Variants in LRP4 observed in about 807,000 individuals in gnomAD.
The protein encoded by LRP4 is low-density lipoprotein receptor-related protein 4.
In LRP4, 95 loss-of-function variants were observed where a neutral mutation model predicts 220.3. The ratio of observed to expected loss-of-function variants is 0.43; its 90% CI spans 0.37 to 0.51. LRP4 has a LOEUF of 0.51. LRP4 is among the 20% of genes least tolerant of loss of function. LRP4 has a pLI of 0.00. For synonymous variants in LRP4, 903 were observed against 954.6 expected, an observed-to-expected ratio of 0.95 and a Z score of 1.00; for missense variants, 1,925 against 2,567.0, an observed-to-expected ratio of 0.75 and a Z score of 5.40.
intron 16 of LRP4, 120 bp downstream of exon 16, chr11:46,889,291 G>A: frequency 7.3e-7 from 1 of 1,364,030 alleles, no homozygotes; most frequent in African/African-American, 1.4e-5. Flanking sequence ...TTCCTCTCCA[G>A]GGCTCCCTGA....
Position 46,858,908 on chromosome 11 carries a change from C to CACAA in LRP4, c.*74_*75insTTGT. 7.2e-7 allele frequency: 1 copy of CACAA among 1,383,250 alleles called. No homozygotes were observed. Among genetic ancestry groups the CACAA allele is most frequent in the Non-Finnish European group, 1.0e-6 (1 of 972,816 alleles). The allele number at this position is 1,383,250 out of a possible 1,614,324, so 85.7% of individuals were successfully genotyped here. A position where few individuals can be genotyped will look rare whatever the true frequency, so the allele number is the denominator to read the frequency against. On this transcript the variant is annotated 3_prime_UTR_variant, in exon 38 of 38. Transcript: ENST00000378623. Reference sequence around the variant, plus strand: ...GACAAGCACACAGAAGCGGGGCCTGCGGTGTAAGCGAGCACAAGGACTAGA... The same window carrying CACAA: ...GACAAGCACACAGAAGCGGGGCCTGCACAAGGTGTAAGCGAGCACAAGGACTAGA...
chr11:46,876,138 T>A (rs1046541531), intron 25 of LRP4, among the ~76,000 whole-genome samples, 172 bp from the exon 26 acceptor site: 1 of 152,162 alleles, frequency 6.6e-6, no homozygotes, highest in Non-Finnish European at 1.5e-5. Flanking sequence ...TCAACCTTCA[T>A]AAGGGCCACA....
intron 23 of LRP4, 71 bp downstream of exon 23, chr11:46,877,128 G>T: frequency 6.5e-7 from 1 of 1,549,008 alleles, no homozygotes; most frequent in Non-Finnish European, 8.9e-7. Context: ...CAAAGGTGGT[G>T]GGAGAGGAAA....
rs1187792715 is a variant in LRP4 at position 46,890,547 on chromosome 11, C to T, written c.1698-53G>A. The T allele has an allele frequency of 7.1e-6, 9 of 1,267,390 alleles. No homozygotes were observed. Among genetic ancestry groups the T allele is most frequent in the Non-Finnish European group, 9.1e-6 (8 of 874,378 alleles). 78.5% of individuals were successfully genotyped at this position (1,267,390 alleles called of 1,614,324 possible). A position where few individuals can be genotyped will look rare whatever the true frequency, so the allele number is the denominator to read the frequency against. On this transcript the variant is annotated intron_variant, in intron 13 of 37. Coordinates refer to ENST00000378623, the MANE Select transcript of LRP4 (RefSeq NM_002334.4). This position sits in a 1 kb window ranked among gnomAD's most constrained non-coding sequence, Gnocchi z 5.3. ...TGGGCAGCAGAAAACAGGTAGGTAA[C>T]CAGGAGAATAATCAGGTAGGGCGCT...
At chr11:46,891,460 C>G (rs369788617) in intron 13 of LRP4, among the ~76,000 whole-genome samples, 70 of 112,046 alleles carry the variant, frequency 6.2e-4, no homozygotes, top group African/African-American at 2.0e-3. Flanking sequence ...CACACACACA[C>G]ACACAGACAC....
chr11:46,871,402 T>A (rs1318899510), intron 31 of LRP4, 123 bp downstream of exon 31: 1 of 776,192 alleles, frequency 1.3e-6, no homozygotes, highest in Admixed American at 2.0e-5. Context: ...ACAGGAAAAA[T>A]CCCTAAAATG....
At chr11:46,886,992 CTG>C (rs750667432) in intron 16 of LRP4, among the ~76,000 whole-genome samples, 7 of 152,220 alleles carry the variant, frequency 4.6e-5, no homozygotes, top group Non-Finnish European at 1.0e-4. Context: ...TTGCCAGGCA[CTG>C]TGCTTGGTGC....
At chr11:46,880,326 T>C (rs1378075617) in intron 20 of LRP4, among the ~76,000 whole-genome samples, 17 of 144,166 alleles carry the variant, frequency 1.2e-4, no homozygotes, top group African/African-American at 5.1e-5. Flanking sequence ...AAAAGCTATG[T>C]GTGGTGGCTC....
intron 36 of LRP4, among the ~76,000 whole-genome samples, chr11:46,863,963 G>T (rs1197792201): frequency 6.6e-6 from 1 of 152,114 alleles, no homozygotes; most frequent in East Asian, 1.9e-4. Flanking sequence ...AAAATATAAA[G>T]AAAGAGGGAC....
At chr11:46,880,037 A>G (rs888278781) in intron 20 of LRP4, among the ~76,000 whole-genome samples, 6 of 152,156 alleles carry the variant, frequency 3.9e-5, no homozygotes, top group Non-Finnish European at 5.9e-5. Flanking sequence ...CCCGGGAGAC[A>G]GAGATTGCAG....
In LRP4 at chr11:46,873,165, C is replaced by G. The variant is rs143771022; in HGVS notation, c.4518G>C (p.Arg1506=). 17 of 1,614,100 alleles carry G rather than the reference C, an allele frequency of 1.1e-5. No homozygotes were observed. Among genetic ancestry groups the G allele is most frequent in the Non-Finnish European group, 1.4e-5 (16 of 1,180,042 alleles). Residue 1506 remains arginine (R), a synonymous_variant, in exon 30 of 38, where the codon CGG becomes CGC. Coordinates refer to ENST00000378623, the MANE Select transcript of LRP4 (RefSeq NM_002334.4). This position sits in a 1 kb window ranked among gnomAD's most constrained non-coding sequence, Gnocchi z 4.2. ...IERANLDGSE[R]KVLINTDLGW... is the part of the protein sequence containing the mutation. ...CCAGGTCTGTGTTGATGAGGACCTT[C>G]CGCTCAGAACCATCCAAGTTTGCCC...
chr11:46,865,054 A>AT (rs1422022298), intron 35 of LRP4, 65 bp downstream of exon 35: 4 of 1,336,580 alleles, frequency 3.0e-6, no homozygotes, highest in Non-Finnish European at 4.2e-6. Context: ...GTTATGAAAG[A>AT]TATCAGTGGA....
chr11:46,876,884 C>T, intron 23 of LRP4, 54 bp from the exon 24 acceptor site: 1 of 1,324,920 alleles, frequency 7.5e-7, no homozygotes, highest in East Asian at 2.3e-5. Context: ...CAATGGGACA[C>T]ACACAGCTGA....
Position 46,896,217 on chromosome 11 carries a change from C to A in LRP4, c.1041G>T (p.Gln347His), listed in dbSNP as rs768956508. ...CGDNSDESPQ[Q>H]NCRPRTGEEN... ...CCCACTGGGGACACTCACGGCAATT[C>A]TGCTGTGGGCTTTCGTCGCTGTTGT... The change falls in exon 9 of 38, where the codon CAG becomes CAT. Residue 347 changes from glutamine (Q) to histidine (H), a missense_variant. Physicochemically the swap from Gln to His is conservative, Grantham distance 24. This residue lies in a region of LRP4 where 412 missense variants were observed against 505.4 expected (regional missense o/e 0.82). Transcript: ENST00000378623. 3 of 1,614,008 alleles carry A rather than the reference C, an allele frequency of 1.9e-6. No homozygotes were observed. The Admixed American group carries it at 5.0e-5, about 27-fold the overall frequency.
At chr11:46,902,649 C>A (rs1271818698) in intron 2 of LRP4, 134 bp downstream of exon 2, 12 of 1,003,108 alleles carry the variant, frequency 1.2e-5, no homozygotes, top group Non-Finnish European at 1.7e-5. Flanking sequence ...ATGTCAATAT[C>A]TATCAAGCTT....
chr11:46,896,134 G>A, intron 9 of LRP4, 76 bp downstream of exon 9: 1 of 1,610,514 alleles, frequency 6.2e-7, no homozygotes, highest in Non-Finnish European at 8.5e-7. Context: ...AGTCCTGAGG[G>A]AGGATTCCCT....
Position 46,875,777 on chromosome 11 carries a change from G to C in LRP4, c.3699+27C>G, listed in dbSNP as rs781442311. On this transcript the variant is annotated intron_variant, in intron 26 of 37. Transcript: ENST00000378623. The surrounding 1 kb of genome is among the most constrained non-coding windows in gnomAD (Gnocchi z 4.5). The stretch of plus-strand genomic sequence containing the variant: ...GCCTTTCCCATCTTCCCAGGCTCCT[G>C]GGAAGCAGCAGGGACACGGCTCTCA... 20 of 1,614,004 alleles carry C rather than the reference G, an allele frequency of 1.2e-5. No individual in the cohort carries two copies. The South Asian group carries it at 2.0e-4, about 16-fold the overall frequency.
intron 31 of LRP4, 85 bp from the exon 32 acceptor site, chr11:46,869,217 G>T: frequency 7.7e-7 from 1 of 1,305,846 alleles, no homozygotes; most frequent in Non-Finnish European, 1.1e-6. Context: ...CTCACCATGT[G>T]CCACTGCCTC....
chr11:46,883,878 T>A lies in LRP4; in HGVS notation c.2605A>T (p.Met869Leu), dbSNP rs372599233. The A allele has an allele frequency of 1.2e-6, 2 of 1,613,992 alleles. No individual in the cohort carries two copies. The change falls in exon 19 of 38, where the codon ATG (methionine) becomes TTG (leucine). Residue 869 changes from methionine to leucine, a missense_variant. Physicochemically the swap from Met to Leu is conservative, Grantham distance 15. Around this residue, in one of 3 missense-constraint regions of LRP4, gnomAD observed 1,244 missense variants for 1,624.9 expected, o/e 0.77. Coordinates refer to ENST00000378623, the MANE Select transcript of LRP4 (RefSeq NM_002334.4). ...DRPRDIVVEP[M>L]GGYMYWTDWG... ...CAAGGGGCAGCCACTCACCCGCCCATGGGTTCCACCACGATGTCCCGAGGA... is the reference window on the plus strand; with the variant it reads ...CAAGGGGCAGCCACTCACCCGCCCAAGGGTTCCACCACGATGTCCCGAGGA...
Sources: gnomAD v4.1 joint callset for allele counts (sites outside exome capture counted in the v4.1 genomes callset) on GRCh38, gnomAD v4.1.1 for gene constraint, gnomAD v4.1.1 regional missense constraint, Gnocchi (gnomAD v3.1) non-coding constraint, MANE v1.5 for transcripts, NCBI Gene and HGNC (gene_info 2026-07-23, HGNC 2026-07-21) for gene names.